Variants in SMOX observed in about 807,000 individuals in gnomAD.
The protein encoded by SMOX is spermine oxidase.
SMOX carries 22 observed loss-of-function variants against 51.0 expected under a neutral mutation model. The observed-to-expected ratio is 0.43, with a 90% CI of 0.31 to 0.62. SMOX has a LOEUF of 0.62. Among genes scored for constraint, SMOX ranks in the 20% least tolerant of loss-of-function variants. The probability of loss-of-function intolerance (pLI) is 0.10; values close to 1 mark genes in which losing one functional copy is unlikely to be tolerated. For synonymous variants in SMOX, 282 were observed against 307.8 expected, an observed-to-expected ratio of 0.92 and a Z score of 0.88; for missense variants, 566 against 777.7, an observed-to-expected ratio of 0.73 and a Z score of 3.24.
intron 1 of SMOX, among the ~76,000 whole-genome samples, chr20:4,168,064 C>G (rs905632413): frequency 5.5e-4 from 83 of 151,432 alleles, no homozygotes; most frequent in African/African-American, 2.0e-3. Flanking sequence ...GAGCAGCTCC[C>G]CAGCTTCCCT....
intron 1 of SMOX, among the ~76,000 whole-genome samples, chr20:4,163,716 C>G (rs1489172125): frequency 6.6e-6 from 1 of 152,166 alleles, no homozygotes; most frequent in African/African-American, 2.4e-5. Flanking sequence ...AGATGGTGTG[C>G]TCACATGCTT....
rs1978998416 is a variant in SMOX at position 4,177,831 on chromosome 20, A to C, written c.435+254A>C. Among the ~76,000 whole-genome samples, 1 of 152,160 alleles carries C rather than the reference A, an allele frequency of 6.6e-6. No individual in the cohort carries two copies. The highest frequency in any genetic ancestry group is 1.5e-5 in the Non-Finnish European group (1 of 68,026). On this transcript the variant is annotated intron_variant, in intron 3 of 6. Transcript: ENST00000305958. The surrounding 1 kb of genome is among the most constrained non-coding windows in gnomAD (Gnocchi z 4.3). ...AATTTATATTCTAATAATATTTTGG[A>C]ATTTATGTATATAACTCTACACAAA...
rs1340140962 is a variant in SMOX, at chr20:4,187,356, G to A, written c.1617G>A (p.Glu539=). 1.2e-6 allele frequency: 2 copies of A among 1,614,208 alleles called. No individual in the cohort carries two copies. The highest frequency in any genetic ancestry group is 2.2e-5 in the South Asian group (2 of 91,082). ...GTGCTCTGCTGTCCGGCCAGCGTGA[G>A]GCTGCCCGCCTCATTGAGATGTACC... ...THGALLSGQR[E]AARLIEMYRD... The change falls in exon 7 of 7, where the codon GAG becomes GAA. Residue 539 remains glutamate (E), a synonymous_variant. Coordinates refer to ENST00000305958, the MANE Select transcript of SMOX (RefSeq NM_175839.3). This position sits in a 1 kb window ranked among gnomAD's most constrained non-coding sequence, Gnocchi z 4.8.
In SMOX at chr20:4,187,202, G is replaced by C; in HGVS notation, c.1531-68G>C. 1 of 1,527,682 alleles carries C rather than the reference G, an allele frequency of 6.5e-7. No individual in the cohort carries two copies. The highest frequency in any genetic ancestry group is 8.9e-7 in the Non-Finnish European group (1 of 1,127,980). 94.6% of individuals were successfully genotyped at this position (1,527,682 alleles called of 1,614,324 possible). ...TTGGGATGGGAGGTTCTGGTGGAGA[G>C]GGGTGGCCTTGTGGCCTTCTGGCCT... On this transcript the variant is annotated intron_variant, in intron 6 of 6. Transcript: ENST00000305958. The surrounding 1 kb of genome is among the most constrained non-coding windows in gnomAD (Gnocchi z 4.8).
At chr20:4,160,679 T>C (rs962014458) in intron 1 of SMOX, among the ~76,000 whole-genome samples, 1 of 152,210 alleles carries the variant, frequency 6.6e-6, no homozygotes, top group Non-Finnish European at 1.5e-5. Flanking sequence ...TTTGTGATCA[T>C]GCATGCCACC....
Position 4,177,356 on chromosome 20 carries a change from G to T in SMOX, c.214G>T (p.Ala72Ser), listed in dbSNP as rs141615452. ...CCTGCTGTTGTCACCCTCAGGACAC[G>T]CCACCTTTGAGCTGGGAGCCACCTG... ...GRVQSVKLGH[A>S]TFELGATWIH... The change falls in exon 3 of 7, where the codon GCC (alanine) becomes TCC (serine). Residue 72 changes from alanine (A) to serine (S), a missense_variant. Transcript: ENST00000305958. The surrounding 1 kb of genome is among the most constrained non-coding windows in gnomAD (Gnocchi z 4.3). 2.2e-4 allele frequency: 343 copies of T among 1,551,898 alleles called. 1 individual carries two copies. Among genetic ancestry groups the T allele is most frequent in the Non-Finnish European group, 2.7e-4 (307 of 1,147,202 alleles).
intron 1 of SMOX, among the ~76,000 whole-genome samples, chr20:4,169,661 G>T (rs1283789190): frequency 1.3e-5 from 2 of 152,140 alleles, no homozygotes; most frequent in Non-Finnish European, 2.9e-5. Flanking sequence ...CCTGTGCTTT[G>T]GGGGTAGGCT....
At chr20:4,180,049 G>A (rs1979205489) in intron 3 of SMOX, among the ~76,000 whole-genome samples, 1 of 152,184 alleles carries the variant, frequency 6.6e-6, no homozygotes, top group East Asian at 1.9e-4. Context: ...CATAAGCTAA[G>A]GACTGGCTAC....
At chr20:4,184,084 A>G (rs1979558280) in intron 6 of SMOX, among the ~76,000 whole-genome samples, 1 of 151,122 alleles carries the variant, frequency 6.6e-6, no homozygotes, top group African/African-American at 2.4e-5. Flanking sequence ...GGCTCAAGTG[A>G]TCCTCCCACC....
rs558655092 is a variant in SMOX, at chr20:4,177,604, G to A, written c.435+27G>A. On this transcript the variant is annotated intron_variant, in intron 3 of 6. Transcript: ENST00000305958. The surrounding 1 kb of genome is among the most constrained non-coding windows in gnomAD (Gnocchi z 4.3). The stretch of plus-strand genomic sequence containing the variant: ...TAAGGTGTGAGCAGAGTAGCTGGGC[G>A]TAAGGGCATGGGGAGACCTGGGAGG... The A allele has an allele frequency of 1.6e-4, 251 of 1,556,550 alleles. No individual in the cohort carries two copies. Among genetic ancestry groups the A allele is most frequent in the East Asian group, 1.3e-3 (56 of 42,308 alleles).
intron 1 of SMOX, among the ~76,000 whole-genome samples, chr20:4,168,355 G>A: frequency 6.6e-6 from 1 of 152,170 alleles, no homozygotes; most frequent in South Asian, 2.1e-4. Context: ...ACTTCAGCTG[G>A]TGGAGTCCTG....
At chr20:4,175,491 C>G (rs2122535924) in intron 2 of SMOX, among the ~76,000 whole-genome samples, 1 of 152,310 alleles carries the variant, frequency 6.6e-6, no homozygotes, top group South Asian at 2.1e-4. Flanking sequence ...TGCTTCTGAC[C>G]TAGTGCTCAC....
chr20:4,159,464 A>G (rs1986207839), intron 1 of SMOX, among the ~76,000 whole-genome samples: 1 of 152,168 alleles, frequency 6.6e-6, no homozygotes, highest in Non-Finnish European at 1.5e-5. Flanking sequence ...ATATATTACT[A>G]AGTAAAATTT....
In SMOX at chr20:4,174,120, G is replaced by T. The variant is rs190510391; in HGVS notation, c.-26-910G>T. Among the ~76,000 whole-genome samples the T allele has an allele frequency of 1.6e-4, 24 of 152,374 alleles. No individual in the cohort carries two copies. In the East Asian group the frequency reaches 4.2e-3, roughly 27 times the overall value. ...ACCCGGAATAGCAGGCTTGTTGGAT[G>T]CAGGCCTCGTGGCACTTTCTTGGGG... On this transcript the variant is annotated intron_variant, in intron 1 of 6. Transcript: ENST00000305958.
intron 1 of SMOX, among the ~76,000 whole-genome samples, chr20:4,152,544 G>C (rs1434223865): frequency 6.6e-6 from 1 of 152,088 alleles, no homozygotes; most frequent in Non-Finnish European, 1.5e-5. Context: ...GTAACACCGC[G>C]ACGTGGGTGC....
At chr20:4,162,231 G>C (rs13040079) in intron 1 of SMOX, among the ~76,000 whole-genome samples, 47,795 of 151,766 alleles carry the variant, frequency 0.31, 9,395 homozygotes, top group Non-Finnish European at 0.43. Flanking sequence ...ACGCTGGAAG[G>C]CTTCCCCACT....
At chr20:4,155,741 C>T (rs1481517050) in intron 1 of SMOX, among the ~76,000 whole-genome samples, 2 of 152,060 alleles carry the variant, frequency 1.3e-5, no homozygotes, top group African/African-American at 4.8e-5. Context: ...CTCTACATGG[C>T]CTGGGGTGCG....
rs771960295 is a variant in SMOX, at chr20:4,182,478, G to A, written c.999G>A (p.Ser333=). The change falls in exon 5 of 7, where the codon TCG becomes TCA. Residue 333 remains serine, a synonymous_variant. Transcript: ENST00000305958. The surrounding 1 kb of genome is among the most constrained non-coding windows in gnomAD (Gnocchi z 8.4). ...CGGACCATGTGATTGTGACCGTGTC[G>A]CTAGGTGTGCTAAAGAGGCAGTACA... ...IPADHVIVTV[S]LGVLKRQYTS... The A allele has an allele frequency of 2.3e-5, 37 of 1,600,572 alleles. No homozygotes were observed. The African/African-American group carries it at 3.3e-4, about 14-fold the overall frequency.
chr20:4,178,279 G>A (rs760654053), intron 3 of SMOX, among the ~76,000 whole-genome samples: 1 of 152,050 alleles, frequency 6.6e-6, no homozygotes, highest in Non-Finnish European at 1.5e-5. Context: ...CTTCATGATC[G>A]GCCTACCTTG....
Sources: gnomAD v4.1 joint callset for allele counts (sites outside exome capture counted in the v4.1 genomes callset) on GRCh38, gnomAD v4.1.1 for gene constraint, Gnocchi (gnomAD v3.1) non-coding constraint, MANE v1.5 for transcripts, NCBI Gene and HGNC (gene_info 2026-07-23, HGNC 2026-07-21) for gene names.